The following NXPH1 variants were observed in gnomAD, a reference collection of about 807,000 sequenced individuals.
The protein encoded by NXPH1 is neurexophilin 1.
Under a neutral mutation model 23.7 loss-of-function variants are expected in NXPH1, and 5 were observed. The observed-to-expected ratio is 0.21, with a 90% CI of 0.11 to 0.44. The LOEUF (loss-of-function observed/expected upper bound fraction) is 0.44, where lower values mean the gene tolerates loss of function less well. NXPH1 is among the 20% of genes least tolerant of loss of function. NXPH1 has a pLI of 0.99. For missense variants in NXPH1, 324 were observed against 321.6 expected, an observed-to-expected ratio of 1.01 and a Z score of -0.06; for synonymous variants, 144 against 122.2, an observed-to-expected ratio of 1.18 and a Z score of -1.18.
chr7:8,503,212 A>G (rs1295735375), intron 2 of NXPH1, among the ~76,000 whole-genome samples: 1 of 152,058 alleles, frequency 6.6e-6, no homozygotes, highest in Non-Finnish European at 1.5e-5. Context: ...GTTCTGTGAA[A>G]TAGGTACTAT....
At chr7:8,730,143 T>A (rs1484143993) in intron 2 of NXPH1, among the ~76,000 whole-genome samples, 3 of 149,780 alleles carry the variant, frequency 2.0e-5, no homozygotes, top group Non-Finnish European at 4.5e-5. Flanking sequence ...GTCTGTTTTA[T>A]CAGAGACTAG....
chr7:8,474,449 A>G (rs1173219937), intron 2 of NXPH1, among the ~76,000 whole-genome samples: 1 of 152,146 alleles, frequency 6.6e-6, no homozygotes, highest in African/African-American at 2.4e-5. Context: ...CATGCATAAT[A>G]GACTCATGCT....
intron 2 of NXPH1, among the ~76,000 whole-genome samples, chr7:8,633,856 G>A (rs1270925642): frequency 1.3e-5 from 2 of 152,126 alleles, no homozygotes; most frequent in Non-Finnish European, 1.5e-5. Flanking sequence ...TTGTAGTAAA[G>A]TTAAATATTT....
intron 2 of NXPH1, among the ~76,000 whole-genome samples, chr7:8,590,698 C>T (rs1054235124): frequency 1.3e-5 from 2 of 151,970 alleles, no homozygotes; most frequent in African/African-American, 2.4e-5. Context: ...ATTTTTTGCC[C>T]TCATCAATGA....
chr7:8,725,849 T>C (rs1780043942), intron 2 of NXPH1, among the ~76,000 whole-genome samples: 1 of 143,708 alleles, frequency 7.0e-6, no homozygotes, highest in Non-Finnish European at 1.5e-5. Flanking sequence ...ACTCAGCACC[T>C]GGAAAGTTCT....
At chr7:8,675,321 A>T (rs866270596) in intron 2 of NXPH1, among the ~76,000 whole-genome samples, 9 of 151,954 alleles carry the variant, frequency 5.9e-5, no homozygotes, top group Non-Finnish European at 1.0e-4. Context: ...TTATTTAAAA[A>T]TTTTTTAATT....
chr7:8,661,858 G>A (rs1430242448), intron 2 of NXPH1, among the ~76,000 whole-genome samples: 3 of 151,838 alleles, frequency 2.0e-5, no homozygotes, highest in African/African-American at 4.8e-5. Flanking sequence ...GAATTACCAA[G>A]TATGACTGAT....
rs114826218 is a variant in NXPH1, at chr7:8,482,353, G to A, written c.54+46586G>A. Among the ~76,000 whole-genome samples the A allele has an allele frequency of 6.8e-3, 1,041 of 152,230 alleles. 15 individuals are homozygous for A. Among genetic ancestry groups the A allele is most frequent in the African/African-American group, 0.024 (1,005 of 41,544 alleles). Reference sequence around the variant, plus strand: ...TAACATCCATTTCCCACACAGTCAAGTCTCCTCTAGCCAGGCCCACTTCTG... The same window carrying A: ...TAACATCCATTTCCCACACAGTCAAATCTCCTCTAGCCAGGCCCACTTCTG... On this transcript the variant is annotated intron_variant, in intron 2 of 2. Transcript: ENST00000405863.
chr7:8,542,426 A>C (rs1450107436), intron 2 of NXPH1, among the ~76,000 whole-genome samples: 2 of 151,578 alleles, frequency 1.3e-5, no homozygotes, highest in African/African-American at 2.4e-5. Flanking sequence ...TAAGCAAAAA[A>C]AATCGTAAAC....
intron 2 of NXPH1, among the ~76,000 whole-genome samples, chr7:8,644,056 G>C (rs1820358621): frequency 6.6e-6 from 1 of 152,198 alleles, no homozygotes; most frequent in African/African-American, 2.4e-5. Flanking sequence ...GTGTTCCACA[G>C]CTGGGCGTTA....
chr7:8,660,223 G>C (rs1820650463), intron 2 of NXPH1, among the ~76,000 whole-genome samples: 1 of 152,036 alleles, frequency 6.6e-6, no homozygotes, highest in African/African-American at 2.4e-5. Flanking sequence ...AATTTGTTTT[G>C]TTGTTTCTAT....
chr7:8,662,528 CA>C (rs1362695364), intron 2 of NXPH1, among the ~76,000 whole-genome samples: 2 of 151,838 alleles, frequency 1.3e-5, no homozygotes, highest in African/African-American at 4.8e-5. Context: ...AAAAATTGTA[CA>C]AAATTTAATA....
intron 2 of NXPH1, among the ~76,000 whole-genome samples, chr7:8,536,890 C>A (rs1303718666): frequency 1.3e-5 from 2 of 151,786 alleles, no homozygotes; most frequent in Non-Finnish European, 2.9e-5. Flanking sequence ...GTATGAGTAT[C>A]CAGATAAATG....
chr7:8,636,641 G>C (rs1018754287), intron 2 of NXPH1, among the ~76,000 whole-genome samples: 24 of 152,232 alleles, frequency 1.6e-4, no homozygotes, highest in African/African-American at 4.8e-4. Flanking sequence ...TGAGGATGCA[G>C]TCAGTAGGAA....
At chr7:8,555,728 A>G (rs1285502533) in intron 2 of NXPH1, among the ~76,000 whole-genome samples, 1 of 151,650 alleles carries the variant, frequency 6.6e-6, no homozygotes, top group Non-Finnish European at 1.5e-5. Context: ...TCTTGGCTAT[A>G]ACTTGTTCAT....
chr7:8,644,326 T>A (rs1794737779), intron 2 of NXPH1, among the ~76,000 whole-genome samples: 1 of 152,242 alleles, frequency 6.6e-6, no homozygotes, highest in South Asian at 2.1e-4. Flanking sequence ...TACCCATGAA[T>A]GTCCTGCTGT....
chr7:8,473,256 G>C lies in NXPH1; in HGVS notation c.54+37489G>C, dbSNP rs368107248. Among the ~76,000 whole-genome samples, 8 of 152,212 alleles carry C rather than the reference G, an allele frequency of 5.3e-5. No individual in the cohort carries two copies. In the East Asian group the frequency reaches 1.4e-3, roughly 26 times the overall value. On this transcript the variant is annotated intron_variant, in intron 2 of 2. Transcript: ENST00000405863. ...TATTGAGCGGCTGTTCCCAACCAAG[G>C]CTTGAAAATCATTGACAAAAGCAGG... is the stretch of plus-strand genomic sequence containing the variant.
intron 2 of NXPH1, among the ~76,000 whole-genome samples, chr7:8,728,924 C>A (rs2115214177): frequency 6.7e-6 from 1 of 149,756 alleles, no homozygotes; most frequent in South Asian, 2.1e-4. Context: ...GTACCAGTTC[C>A]TCCTTGTACC....
intron 2 of NXPH1, among the ~76,000 whole-genome samples, chr7:8,741,330 TG>T (rs143571750): frequency 0.061 from 9,303 of 152,260 alleles, 349 homozygotes; most frequent in East Asian, 0.14. Context: ...GTCTATATCT[TG>T]GCAATTGTGA....
Sources: gnomAD v4.1 joint callset for allele counts (sites outside exome capture counted in the v4.1 genomes callset) on GRCh38, gnomAD v4.1.1 for gene constraint, MANE v1.5 for transcripts, NCBI Gene and HGNC (gene_info 2026-07-23, HGNC 2026-07-21) for gene names.